CHD5: variants seen among roughly 807,000 people sequenced by gnomAD.
CHD5 encodes chromodomain helicase DNA binding protein 5, also known as ATP-dependent chromatin remodeler CHD5.
CHD5 carries 69 observed loss-of-function variants against 230.3 expected under a neutral mutation model. That is an observed-to-expected ratio of 0.30 (90% confidence interval 0.25 to 0.37). The LOEUF (loss-of-function observed/expected upper bound fraction) is 0.37. CHD5 is among the 10% of genes least tolerant of loss of function. The pLI, the probability that CHD5 is intolerant of heterozygous loss-of-function variation, is 1.00. For synonymous variants in CHD5, 1,064 were observed against 1,065.9 expected, an observed-to-expected ratio of 1.00 and a Z score of 0.03; for missense variants, 1,827 against 2,622.8, an observed-to-expected ratio of 0.70 and a Z score of 6.63.
At chr1:6,112,799 C>T in intron 34 of CHD5, 110 bp downstream of exon 34, 1 of 782,098 alleles carries the variant, frequency 1.3e-6, no homozygotes, top group African/African-American at 1.7e-5. Context: ...CCAATCAGGC[C>T]TGGGGCCAAG....
rs1404674069 is a variant in CHD5 at position 6,175,683 on chromosome 1, T to TGGAC, written c.79+4261_79+4262insGTCC. Among the ~76,000 whole-genome samples, 5 of 146,556 alleles carry TGGAC rather than the reference T, an allele frequency of 3.4e-5. No individual in the cohort carries two copies. In the Admixed American group the frequency reaches 3.4e-4, roughly 10 times the overall value. On this transcript the variant is annotated intron_variant, in intron 1 of 41. Transcript: ENST00000262450. ...AGTGGATAAGAAGAACAAGAACAAA[T>TGGAC]GGATGGATGGATGGATGGATGGATG...
chr1:6,127,944 C>G, intron 25 of CHD5, 102 bp downstream of exon 25: 2 of 943,500 alleles, frequency 2.1e-6, no homozygotes, highest in Non-Finnish European at 2.9e-6. Flanking sequence ...GGGCTGGCTG[C>G]GGCGGGAGGG....
intron 9 of CHD5, among the ~76,000 whole-genome samples, chr1:6,147,910 G>A (rs1428382396): frequency 6.6e-6 from 1 of 152,056 alleles, no homozygotes; most frequent in East Asian, 1.9e-4. Context: ...GAGTGGAAGA[G>A]GGGACCCTTC....
chr1:6,147,914 A>T (rs1391888152), intron 9 of CHD5, among the ~76,000 whole-genome samples: 1 of 151,630 alleles, frequency 6.6e-6, no homozygotes, highest in East Asian at 1.9e-4. Context: ...GGAAGAGGGG[A>T]CCCTTCCTAC....
chr1:6,133,660 C>G (rs1666693167), intron 20 of CHD5, among the ~76,000 whole-genome samples: 1 of 152,254 alleles, frequency 6.6e-6, no homozygotes, highest in South Asian at 2.1e-4. Flanking sequence ...TGTGCCAGCA[C>G]AGAGCCTGAC....
intron 1 of CHD5, among the ~76,000 whole-genome samples, chr1:6,175,973 G>A (rs1368303059): frequency 6.6e-6 from 1 of 151,956 alleles, no homozygotes; most frequent in East Asian, 1.9e-4. Flanking sequence ...TGGTTTTGTA[G>A]GTGGATGGGT....
At chr1:6,177,605 G>A (rs1351648553) in intron 1 of CHD5, among the ~76,000 whole-genome samples, 2 of 149,272 alleles carry the variant, frequency 1.3e-5, no homozygotes, top group Admixed American at 6.6e-5. Flanking sequence ...AATCCAGCTT[G>A]GGCAACACAG....
Position 6,129,143 on chromosome 1 carries a change from C to T in CHD5, c.3388-74G>A. ...CAATGGAGGAGATCACACCCATGAG[C>T]TCAAGAGCATGGAATGGGCTGCATG... On this transcript the variant is annotated intron_variant, in intron 22 of 41. Transcript: ENST00000262450. The surrounding 1 kb of genome is among the most constrained non-coding windows in gnomAD (Gnocchi z 6.8). 9.7e-7 allele frequency: 1 copy of T among 1,035,864 alleles called. No homozygotes were observed. The highest frequency in any genetic ancestry group is 1.5e-6 in the Non-Finnish European group (1 of 689,414). 64.2% of individuals were successfully genotyped at this position (1,035,864 alleles called of 1,614,324 possible). A position where few individuals can be genotyped will look rare whatever the true frequency, so the allele number is the denominator to read the frequency against.
At position 6,105,123 on chromosome 1, in the gene CHD5, G is replaced by A. The variant is rs781513334; in HGVS notation, c.*351C>T. The stretch of plus-strand genomic sequence containing the variant: ...TCATCCAACTTTTATCAAGACAAAC[G>A]TGTTCAAGTCTTCAATAGGAAAGTG... On this transcript the variant is annotated 3_prime_UTR_variant, in exon 42 of 42. Transcript: ENST00000262450. This position sits in a 1 kb window ranked among gnomAD's most constrained non-coding sequence, Gnocchi z 4.8. 2.4e-4 allele frequency: 79 copies of A among 335,324 alleles called. 1 individual carries two copies. Among genetic ancestry groups the A allele is most frequent in the Middle Eastern group, 1.1e-3 (1 of 926 alleles). The allele number at this position is 335,324 out of a possible 1,614,324, so 20.8% of individuals were successfully genotyped here.
rs1252895003 is a variant in CHD5 at position 6,149,103 on chromosome 1, C to G, written c.1162-28G>C. ...GGGGGAGGAGGCCAGGTGGAGGCAC[C>G]CTGGGCGGGGTCCCCGCTCCACCAG... On this transcript the variant is annotated intron_variant, in intron 8 of 41. Coordinates refer to ENST00000262450, the MANE Select transcript of CHD5 (RefSeq NM_015557.3). The G allele has an allele frequency of 3.4e-6, 5 of 1,478,986 alleles. No homozygotes were observed. The South Asian group carries it at 6.9e-5, about 20-fold the overall frequency. The allele number at this position is 1,478,986 out of a possible 1,614,324, so 91.6% of individuals were successfully genotyped here. A position where few individuals can be genotyped will look rare whatever the true frequency, so the allele number is the denominator to read the frequency against.
rs1666569012 is a variant in CHD5, at chr1:6,126,995, T to G, written c.3904-249A>C. 1 of 548,132 alleles carries G rather than the reference T, an allele frequency of 1.8e-6. No individual in the cohort carries two copies. Among genetic ancestry groups the G allele is most frequent in the African/African-American group, 1.9e-5 (1 of 52,762 alleles). 34.0% of individuals were successfully genotyped at this position (548,132 alleles called of 1,614,324 possible). A position where few individuals can be genotyped will look rare whatever the true frequency, so the allele number is the denominator to read the frequency against. ...AAAGCAAGTATTTCCTCGCCTCCTG[T>G]CAAGCACTGAGGTACTGAGTTGAAT... On this transcript the variant is annotated intron_variant, in intron 25 of 41. Coordinates refer to ENST00000262450, the MANE Select transcript of CHD5 (RefSeq NM_015557.3). This position sits in a 1 kb window ranked among gnomAD's most constrained non-coding sequence, Gnocchi z 5.7.
At chr1:6,132,250 C>T (rs1395167382) in intron 20 of CHD5, among the ~76,000 whole-genome samples, 1 of 152,168 alleles carries the variant, frequency 6.6e-6, no homozygotes, top group Non-Finnish European at 1.5e-5. Context: ...CCTTTATTCT[C>T]GAGAGAGAGT....
In CHD5 at chr1:6,121,198, T is replaced by C; in HGVS notation, c.4819A>G (p.Lys1607Glu). The C allele has an allele frequency of 6.2e-7, 1 of 1,613,950 alleles. No homozygotes were observed. Among genetic ancestry groups the C allele is most frequent in the African/African-American group, 1.3e-5 (1 of 75,012 alleles). Residue 1607 changes from lysine to glutamate, a missense_variant, in exon 33 of 42, where the codon AAG becomes GAG. Coordinates refer to ENST00000262450, the MANE Select transcript of CHD5 (RefSeq NM_015557.3). This position sits in a 1 kb window ranked among gnomAD's most constrained non-coding sequence, Gnocchi z 4.5. ...TCCTTGCTGGCTGGGCTCTCGTGCT[T>C]GTCCTCACTCTCCACTCTATCCAAG... Reference protein sequence around the residue: ...AALDRVESEDKHESPASKERA... With the variant: ...AALDRVESEDEHESPASKERA...
At chr1:6,119,727 G>A (rs1571143144) in intron 33 of CHD5, among the ~76,000 whole-genome samples, 3 of 149,580 alleles carry the variant, frequency 2.0e-5, no homozygotes, top group East Asian at 4.0e-4. Flanking sequence ...GTATATATAC[G>A]TACATATATA....
chr1:6,119,128 C>A (rs1245329233), intron 33 of CHD5, among the ~76,000 whole-genome samples: 1 of 151,410 alleles, frequency 6.6e-6, no homozygotes, highest in African/African-American at 2.4e-5. Flanking sequence ...GAAAGAGCAA[C>A]CCAAATCAGC....
intron 33 of CHD5, among the ~76,000 whole-genome samples, chr1:6,118,152 G>C (rs1666406101): frequency 6.6e-6 from 1 of 152,094 alleles, no homozygotes; most frequent in South Asian, 2.1e-4. Context: ...AAGGTGGGAG[G>C]ATTGCTTGAG....
chr1:6,112,210 G>A lies in CHD5; in HGVS notation c.5070C>T (p.Asp1690=), dbSNP rs145305767. 1.1e-4 allele frequency: 176 copies of A among 1,613,884 alleles called. No individual in the cohort carries two copies. The African/African-American group carries it at 1.6e-3, about 15-fold the overall frequency. ...TQQNGDKEED[D]EGKKEDKKGK... ...CCTTCTTGTCCTCCTTCTTCCCCTC[G>A]TCATCTTCCTCTTTGTCACCATTTT... The change falls in exon 35 of 42, where the codon GAC becomes GAT. Residue 1690 remains aspartate, a synonymous_variant. Coordinates refer to ENST00000262450, the MANE Select transcript of CHD5 (RefSeq NM_015557.3).
At chr1:6,151,752 G>A (rs1221978564) in intron 6 of CHD5, among the ~76,000 whole-genome samples, 2 of 151,828 alleles carry the variant, frequency 1.3e-5, no homozygotes, top group Non-Finnish European at 2.9e-5. Context: ...ACCTAACACT[G>A]GCTCCTGCCA....
Position 6,146,125 on chromosome 1 carries a change from C to A in CHD5, c.1802+87G>T. ...CAGCCCCAAAGCAAGGGCCCTGGCACCCTGCGCTGCACCCATTTTACAGGG... is the reference window on the plus strand; with the variant it reads ...CAGCCCCAAAGCAAGGGCCCTGGCAACCTGCGCTGCACCCATTTTACAGGG... On this transcript the variant is annotated intron_variant, in intron 11 of 41. Coordinates refer to ENST00000262450, the MANE Select transcript of CHD5 (RefSeq NM_015557.3). This position sits in a 1 kb window ranked among gnomAD's most constrained non-coding sequence, Gnocchi z 5.1. 1.5e-6 allele frequency: 2 copies of A among 1,345,270 alleles called. No homozygotes were observed. Among genetic ancestry groups the A allele is most frequent in the Non-Finnish European group, 2.1e-6 (2 of 961,552 alleles). The allele number at this position is 1,345,270 out of a possible 1,614,324, so 83.3% of individuals were successfully genotyped here.
Sources: allele counts gnomAD v4.1 joint callset (sites outside exome capture counted in the v4.1 genomes callset), GRCh38; gene constraint gnomAD v4.1.1; non-coding constraint Gnocchi (gnomAD v3.1); transcripts MANE v1.5; gene names NCBI Gene and HGNC (gene_info 2026-07-23, HGNC 2026-07-21).